The following SLC1A3 variants were observed in gnomAD, a reference collection of about 807,000 sequenced individuals.
SLC1A3 encodes solute carrier family 1 member 3.
In SLC1A3, 21 loss-of-function variants were observed where a neutral mutation model predicts 48.1. The ratio of observed to expected loss-of-function variants is 0.44; its 90% CI spans 0.31 to 0.63. SLC1A3 has a LOEUF of 0.63. Ranked by LOEUF, SLC1A3 falls within the 20% of genes least tolerant of loss-of-function variation. The pLI, the probability that SLC1A3 is intolerant of heterozygous loss-of-function variation, is 0.08. For synonymous variants in SLC1A3, 239 were observed against 251.4 expected (o/e 0.95, Z 0.47); for missense variants, 546 against 689.0 (o/e 0.79, Z 2.32).
intron 3 of SLC1A3, among the ~76,000 whole-genome samples, chr5:36,635,375 T>A (rs1346727890): frequency 1.3e-5 from 2 of 152,320 alleles, no homozygotes; most frequent in East Asian, 3.9e-4. Flanking sequence ...GTTCCCATTG[T>A]ATAAATGAAA....
At chr5:36,638,005 ATTG>A (rs1225029438) in intron 3 of SLC1A3, among the ~76,000 whole-genome samples, 2 of 151,994 alleles carry the variant, frequency 1.3e-5, no homozygotes, top group African/African-American at 4.8e-5. Context: ...TTTTTCTAGA[ATTG>A]TTGTTTTCTG....
chr5:36,631,424 GA>G (rs200780828), intron 3 of SLC1A3, among the ~76,000 whole-genome samples: 10 of 150,202 alleles, frequency 6.7e-5, no homozygotes, highest in African/African-American at 1.7e-4. Flanking sequence ...TAATTTTTCA[GA>G]AAAAAAAATA....
At chr5:36,630,015 C>T in intron 3 of SLC1A3, 1 of 238,622 alleles carries the variant, frequency 4.2e-6, no homozygotes, top group Non-Finnish European at 8.3e-6. Flanking sequence ...AGGACTTGAG[C>T]GGGAGCCTTC....
chr5:36,607,040 TA>T (rs5867331), intron 1 of SLC1A3: 80,246 of 149,652 alleles, frequency 0.54, 22,062 homozygotes, highest in East Asian at 0.74. Flanking sequence ...GCTATTAGTT[TA>T]AAAAAAAAAA....
intron 2 of SLC1A3, among the ~76,000 whole-genome samples, chr5:36,614,337 T>C (rs547390468): frequency 3.3e-5 from 5 of 152,246 alleles, no homozygotes; most frequent in Non-Finnish European, 7.4e-5. Flanking sequence ...ACCCTGGCAT[T>C]TGGGGAGGCT....
rs186187883 is a variant in SLC1A3 at position 36,625,021 on chromosome 5, G to A, written c.182-4429G>A. 7.6e-4 allele frequency among the ~76,000 whole-genome samples: 115 copies of A among 152,314 alleles called. 2 individuals are homozygous for A. The East Asian group carries it at 0.013, about 17-fold the overall frequency. ...ACCTATACTCAGGCCTAGGCTACAA[G>A]AGCATGTTTGTGTTTGAGAGGCATT... On this transcript the variant is annotated intron_variant, in intron 2 of 9. Transcript: ENST00000265113.
At chr5:36,636,066 T>TGTGTGTGTGC (rs1561254722) in intron 3 of SLC1A3, 1 of 152,320 alleles carries the variant, frequency 6.6e-6, no homozygotes, top group Non-Finnish European at 1.5e-5. Context: ...TGTGTGTGTG[T>TGTGTGTGTGC]GTGTGTGTGT....
At chr5:36,644,896 G>A (rs993354662) in intron 3 of SLC1A3, among the ~76,000 whole-genome samples, 1 of 152,102 alleles carries the variant, frequency 6.6e-6, no homozygotes, top group African/African-American at 2.4e-5. Flanking sequence ...GTGGGCCTGG[G>A]GGGAGACAAC....
chr5:36,662,337 C>T (rs1376017138), intron 3 of SLC1A3, among the ~76,000 whole-genome samples: 1 of 152,148 alleles, frequency 6.6e-6, no homozygotes, highest in Non-Finnish European at 1.5e-5. Flanking sequence ...CCAACACACA[C>T]TTTGCTTTTT....
In SLC1A3 at chr5:36,677,229, T is replaced by C. The variant is rs146077543; in HGVS notation, c.860+45T>C. On this transcript the variant is annotated intron_variant, in intron 6 of 9. Coordinates refer to ENST00000265113, the MANE Select transcript of SLC1A3 (RefSeq NM_004172.5). ...ATATATGTTATATACGAGATGGTTA[T>C]TGCCATCAACATGTGTTCTGTACTG... 1,254 of 1,547,514 alleles carry C rather than the reference T, an allele frequency of 8.1e-4. 10 individuals carry two copies. The African/African-American group carries it at 0.015, about 18-fold the overall frequency.
intron 7 of SLC1A3, 193 bp from the exon 8 acceptor site, chr5:36,680,202 G>A: frequency 1.5e-6 from 1 of 647,634 alleles, no homozygotes. Context: ...CCAGAAGCAG[G>A]AGAGCTGCCA....
At chr5:36,621,097 G>T (rs1739646451) in intron 2 of SLC1A3, among the ~76,000 whole-genome samples, 2 of 152,036 alleles carry the variant, frequency 1.3e-5, no homozygotes, top group African/African-American at 4.8e-5. Context: ...GTAGAGAGGG[G>T]GTTTCACCAT....
intron 3 of SLC1A3, chr5:36,670,681 G>A (rs943742939): frequency 3.1e-5 from 12 of 383,182 alleles, no homozygotes; most frequent in East Asian, 6.2e-5. Flanking sequence ...ACTCACACAC[G>A]CACTACTCAC....
intron 2 of SLC1A3, among the ~76,000 whole-genome samples, chr5:36,609,608 G>C (rs1056815880): frequency 6.6e-6 from 1 of 152,256 alleles, no homozygotes; most frequent in African/African-American, 2.4e-5. Context: ...CAAGAAAATT[G>C]AATTCTTAAA....
intron 2 of SLC1A3, among the ~76,000 whole-genome samples, chr5:36,616,951 G>C (rs983082053): frequency 2.0e-5 from 3 of 152,174 alleles, no homozygotes; most frequent in Non-Finnish European, 4.4e-5. Flanking sequence ...AAATGAAGTA[G>C]TTTGTAAGCA....
At chr5:36,638,376 C>T (rs1422046165) in intron 3 of SLC1A3, among the ~76,000 whole-genome samples, 6 of 152,198 alleles carry the variant, frequency 3.9e-5, no homozygotes, top group Admixed American at 6.5e-5. Context: ...CCTCTCTCAA[C>T]GTCCTAATGC....
At chr5:36,598,060 T>A (rs554326917) in intron 1 of SLC1A3, among the ~76,000 whole-genome samples, 3 of 152,304 alleles carry the variant, frequency 2.0e-5, no homozygotes, top group South Asian at 4.1e-4. Flanking sequence ...ATAGTGGGAA[T>A]CTGTAGAATT....
intron 3 of SLC1A3, among the ~76,000 whole-genome samples, chr5:36,659,566 T>C (rs186570313): frequency 2.8e-4 from 43 of 152,264 alleles, no homozygotes; most frequent in African/African-American, 9.6e-4. Context: ...AGCTGATAAG[T>C]GGGGGGAGCC....
At chr5:36,669,769 C>A (rs906229665) in intron 3 of SLC1A3, 3 of 151,986 alleles carry the variant, frequency 2.0e-5, no homozygotes, top group African/African-American at 7.2e-5. Flanking sequence ...ATCTGGCAAT[C>A]GTAGACACCA....
Sources: gnomAD v4.1 joint callset for allele counts (sites outside exome capture counted in the v4.1 genomes callset) on GRCh38, gnomAD v4.1.1 for gene constraint, MANE v1.5 for transcripts, NCBI Gene and HGNC (gene_info 2026-07-23, HGNC 2026-07-21) for gene names.